Variants in STARD3 observed in about 807,000 individuals in gnomAD.
STARD3 encodes StAR related lipid transfer domain containing 3.
Under a neutral mutation model 62.0 loss-of-function variants are expected in STARD3, and 39 were observed. The ratio of observed to expected loss-of-function variants is 0.63; its 90% CI spans 0.49 to 0.82. The LOEUF is 0.82. STARD3 is among the 40% of genes least tolerant of loss of function. The probability of loss-of-function intolerance (pLI) is 0.00; values close to 1 mark genes in which losing one functional copy is unlikely to be tolerated. For missense variants in STARD3, 543 were observed against 584.5 expected, an observed-to-expected ratio of 0.93 and a Z score of 0.73; for synonymous variants, 229 against 242.4, an observed-to-expected ratio of 0.94 and a Z score of 0.51.
rs2057225392 is a variant in STARD3 at position 39,663,552 on chromosome 17, G to A, written c.*644G>A. 6.6e-6 allele frequency: 1 copy of A among 152,572 alleles called. No individual in the cohort carries two copies. Among genetic ancestry groups the A allele is most frequent in the Non-Finnish European group, 1.5e-5 (1 of 68,338 alleles). The allele number at this position is 152,572 out of a possible 1,614,324, so 9.5% of individuals were successfully genotyped here. A position where few individuals can be genotyped will look rare whatever the true frequency, so the allele number is the denominator to read the frequency against. On this transcript the variant is annotated 3_prime_UTR_variant, in exon 15 of 15. Transcript: ENST00000336308. Reference sequence around the variant, plus strand: ...GGCAGGCAGCAGCTTGGATGAAGAGGGAAGACCCCTCACACAGCCTCTCCT... The same window carrying A: ...GGCAGGCAGCAGCTTGGATGAAGAGAGAAGACCCCTCACACAGCCTCTCCT...
At chr17:39,661,480 C>T (rs1204566234) in intron 13 of STARD3, among the ~76,000 whole-genome samples, 1 of 152,158 alleles carries the variant, frequency 6.6e-6, no homozygotes, top group Admixed American at 6.5e-5. Context: ...TTTCGTCCTC[C>T]TCACCCTGTC....
At position 39,660,879 on chromosome 17, in the gene STARD3, G is replaced by A. The variant is rs1881914748; in HGVS notation, c.1024G>A (p.Val342Ile). The A allele has an allele frequency of 1.2e-6, 2 of 1,601,660 alleles. No homozygotes were observed. Among genetic ancestry groups the A allele is most frequent in the Non-Finnish European group, 8.5e-7 (1 of 1,171,776 alleles). ...GTCTGCAGGGGCTGCGGGCGGCGTGGTCTCCCCAAGGTGAGTCCATGCCGG... is the reference window on the plus strand; with the variant it reads ...GTCTGCAGGGGCTGCGGGCGGCGTGATCTCCCCAAGGTGAGTCCATGCCGG... ...DVSAGAAGGV[V>I]SPRDFVNVRR... The change falls in exon 12 of 15, where the codon GTC (valine) becomes ATC (isoleucine). Residue 342 changes from valine (V) to isoleucine (I), a missense_variant. Transcript: ENST00000336308. The surrounding 1 kb of genome is among the most constrained non-coding windows in gnomAD (Gnocchi z 4.8).
Position 39,663,058 on chromosome 17 carries a change from C to T in STARD3, c.*150C>T. ...CCACGCAGTGCCTGGAGTTGACTGA[C>T]TGAGCAGGCTGTGGGGTGGAGCACT... On this transcript the variant is annotated 3_prime_UTR_variant, in exon 15 of 15. Coordinates refer to ENST00000336308, the MANE Select transcript of STARD3 (RefSeq NM_006804.4). 1.3e-6 allele frequency: 1 copy of T among 760,078 alleles called. No individual in the cohort carries two copies. Among genetic ancestry groups the T allele is most frequent in the Non-Finnish European group, 2.0e-6 (1 of 499,364 alleles). The allele number at this position is 760,078 out of a possible 1,614,324, so 47.1% of individuals were successfully genotyped here.
chr17:39,661,155 C>A, intron 13 of STARD3, 70 bp downstream of exon 13: 1 of 1,388,630 alleles, frequency 7.2e-7, no homozygotes, highest in Non-Finnish European at 1.0e-6. Flanking sequence ...GTGCAGGGTA[C>A]AGCATGTACA....
intron 1 of STARD3, among the ~76,000 whole-genome samples, chr17:39,645,881 C>CTTTTTTTTTT (rs71147368): frequency 7.2e-5 from 4 of 55,666 alleles, no homozygotes; most frequent in African/African-American, 2.7e-4. Context: ...GGATTCTTGC[C>CTTTTTTTTTT]TTTTTTTTTT....
chr17:39,639,414 A>G (rs2056963624), intron 1 of STARD3, among the ~76,000 whole-genome samples: 1 of 152,234 alleles, frequency 6.6e-6, no homozygotes, highest in African/African-American at 2.4e-5. Flanking sequence ...AGATCTGGGA[A>G]CTAGAGGGAG....
At position 39,663,037 on chromosome 17, in the gene STARD3, G is replaced by C; in HGVS notation, c.*129G>C. The stretch of plus-strand genomic sequence containing the variant: ...AGGCTGTCACCCTCCACCGAGCCAC[G>C]CAGTGCCTGGAGTTGACTGACTGAG... On this transcript the variant is annotated 3_prime_UTR_variant, in exon 15 of 15. Coordinates refer to ENST00000336308, the MANE Select transcript of STARD3 (RefSeq NM_006804.4). 2 of 946,732 alleles carry C rather than the reference G, an allele frequency of 2.1e-6. No homozygotes were observed. Among genetic ancestry groups the C allele is most frequent in the Non-Finnish European group, 1.5e-6 (1 of 651,716 alleles). 58.6% of individuals were successfully genotyped at this position (946,732 alleles called of 1,614,324 possible).
intron 1 of STARD3, among the ~76,000 whole-genome samples, chr17:39,641,690 C>G: frequency 6.6e-6 from 1 of 152,176 alleles, no homozygotes. Context: ...GAAGTAGGTA[C>G]TATATTCTCC....
intron 1 of STARD3, among the ~76,000 whole-genome samples, chr17:39,639,921 G>A (rs567529777): frequency 4.3e-4 from 65 of 152,290 alleles, no homozygotes; most frequent in Admixed American, 7.2e-4. Context: ...ACTCATTCCA[G>A]CCTGGGTCAG....
At chr17:39,653,307 A>G (rs1180872193) in intron 1 of STARD3, 174 bp from the exon 2 acceptor site, 2 of 601,042 alleles carry the variant, frequency 3.3e-6, no homozygotes, top group Non-Finnish European at 5.9e-6. Context: ...GGAATGCTCA[A>G]CCCTGCAGCC....
chr17:39,663,055 T>A lies in STARD3; in HGVS notation c.*147T>A. On this transcript the variant is annotated 3_prime_UTR_variant, in exon 15 of 15. Coordinates refer to ENST00000336308, the MANE Select transcript of STARD3 (RefSeq NM_006804.4). ...GAGCCACGCAGTGCCTGGAGTTGAC[T>A]GACTGAGCAGGCTGTGGGGTGGAGC... 1 of 786,448 alleles carries A rather than the reference T, an allele frequency of 1.3e-6. No homozygotes were observed. The highest frequency in any genetic ancestry group is 1.9e-6 in the Non-Finnish European group (1 of 521,066). 48.7% of individuals were successfully genotyped at this position (786,448 alleles called of 1,614,324 possible).
Position 39,660,928 on chromosome 17 carries a change from T to C in STARD3, c.1034+39T>C. The C allele has an allele frequency of 6.2e-7, 1 of 1,610,030 alleles. No homozygotes were observed. The highest frequency in any genetic ancestry group is 8.5e-7 in the Non-Finnish European group (1 of 1,177,058). ...GGGCCCCCTCCTTTCAGCCAGGTCT[T>C]CTGCACTTTGGCCTTGGGTCATTGT... On this transcript the variant is annotated intron_variant, in intron 12 of 14. Coordinates refer to ENST00000336308, the MANE Select transcript of STARD3 (RefSeq NM_006804.4). This position sits in a 1 kb window ranked among gnomAD's most constrained non-coding sequence, Gnocchi z 4.8.
chr17:39,653,326 AG>A, intron 1 of STARD3, 154 bp from the exon 2 acceptor site: 1 of 608,378 alleles, frequency 1.6e-6, no homozygotes, highest in Non-Finnish European at 2.9e-6. Flanking sequence ...CCTGGGAGCC[AG>A]GCTGGTGGAG....
At chr17:39,645,447 T>TC (rs1180429972) in intron 1 of STARD3, among the ~76,000 whole-genome samples, 4 of 152,182 alleles carry the variant, frequency 2.6e-5, no homozygotes, top group Non-Finnish European at 5.9e-5. Context: ...GCTCACAATT[T>TC]CCCTCTTACT....
chr17:39,645,554 C>T (rs542374360), intron 1 of STARD3, among the ~76,000 whole-genome samples: 1 of 152,066 alleles, frequency 6.6e-6, no homozygotes, highest in South Asian at 2.1e-4. Context: ...ACTGCAACCT[C>T]CGCTTCCCGG....
Position 39,660,882 on chromosome 17 carries a change from T to A in STARD3, c.1027T>A (p.Ser343Thr). 6.2e-7 allele frequency: 1 copy of A among 1,601,126 alleles called. No homozygotes were observed. The highest frequency in any genetic ancestry group is 8.5e-7 in the Non-Finnish European group (1 of 1,171,348). The part of the protein sequence containing the change: ...VSAGAAGGVV[S>T]PRDFVNVRRI... ...TGCAGGGGCTGCGGGCGGCGTGGTC[T>A]CCCCAAGGTGAGTCCATGCCGGGCC... Residue 343 changes from serine (S) to threonine (T), a missense_variant, in exon 12 of 15, where the codon TCC (serine) becomes ACC (threonine). By Grantham distance (58) the Ser-to-Thr change is moderately conservative. Transcript: ENST00000336308. The surrounding 1 kb of genome is among the most constrained non-coding windows in gnomAD (Gnocchi z 4.8).
At position 39,662,726 on chromosome 17, in the gene STARD3, C is replaced by A. The variant is rs954560328; in HGVS notation, c.1234-78C>A. 5 of 1,378,856 alleles carry A rather than the reference C, an allele frequency of 3.6e-6. No homozygotes were observed. The African/African-American group carries it at 7.3e-5, about 20-fold the overall frequency. The allele number at this position is 1,378,856 out of a possible 1,614,324, so 85.4% of individuals were successfully genotyped here. A position where few individuals can be genotyped will look rare whatever the true frequency, so the allele number is the denominator to read the frequency against. On this transcript the variant is annotated intron_variant, in intron 14 of 14. Transcript: ENST00000336308. ...GCACCTGCATTCTGGCCCAGAGCCC[C>A]CCTGCTGGTGCCAGCTGCAAGGGGA...
At chr17:39,653,056 T>C (rs2057092048) in intron 1 of STARD3, 1 of 178,950 alleles carries the variant, frequency 5.6e-6, no homozygotes, top group African/African-American at 2.4e-5. Flanking sequence ...GGCTTTGTGC[T>C]TGGAAAACAA....
intron 1 of STARD3, among the ~76,000 whole-genome samples, chr17:39,649,581 A>G (rs28498326): frequency 0.045 from 6,845 of 152,284 alleles, 256 homozygotes; most frequent in African/African-American, 0.1. Flanking sequence ...TATAAGAAAT[A>G]TAAGGCTGAG....
Sources: gnomAD v4.1 joint callset for allele counts (sites outside exome capture counted in the v4.1 genomes callset) on GRCh38, gnomAD v4.1.1 for gene constraint, Gnocchi (gnomAD v3.1) non-coding constraint, MANE v1.5 for transcripts, NCBI Gene and HGNC (gene_info 2026-07-23, HGNC 2026-07-21) for gene names.